The following CNTN1 variants were observed in gnomAD, a reference collection of about 807,000 sequenced individuals.
The protein encoded by CNTN1 is contactin-1.
CNTN1 carries 38 observed loss-of-function variants against 126.4 expected under a neutral mutation model. The ratio of observed to expected loss-of-function variants is 0.30; its 90% confidence interval spans 0.23 to 0.39. The LOEUF (loss-of-function observed/expected upper bound fraction) is 0.39, where lower values mean the gene tolerates loss of function less well. CNTN1 is among the 10% of genes least tolerant of loss of function. The pLI is 1.00. For synonymous variants in CNTN1, 413 were observed against 422.6 expected (o/e 0.98, Z 0.28); for missense variants, 1,009 against 1,248.4 (o/e 0.81, Z 2.89).
intron 15 of CNTN1, among the ~76,000 whole-genome samples, chr12:40,964,519 TAA>T (rs1468888074): frequency 3.2e-5 from 4 of 124,028 alleles, no homozygotes; most frequent in Admixed American, 7.7e-5. Context: ...AAACACCGTG[TAA>T]GTGAGTGTGT....
At chr12:40,746,385 G>C (rs1419065878) in intron 1 of CNTN1, among the ~76,000 whole-genome samples, 1 of 151,968 alleles carries the variant, frequency 6.6e-6, no homozygotes, top group Non-Finnish European at 1.5e-5. Flanking sequence ...AATCTATAAG[G>C]GTCTGCAGCA....
intron 1 of CNTN1, among the ~76,000 whole-genome samples, chr12:40,748,627 A>G (rs1938276830): frequency 6.6e-6 from 1 of 152,140 alleles, no homozygotes. Flanking sequence ...TAAAATCAAA[A>G]CTTTATTTAA....
At position 40,774,615 on chromosome 12, in the gene CNTN1, C is replaced by T. The variant is rs563794755; in HGVS notation, c.-77+82023C>T. ...CAATGTGATAAAGTCTGCTTTATAA[C>T]GTATTCTACTGCTTCCTCTCCAGTG... On this transcript the variant is annotated intron_variant, in intron 1 of 23. Transcript: ENST00000551295. 2.0e-5 allele frequency among the ~76,000 whole-genome samples: 3 copies of T among 151,788 alleles called. No homozygotes were observed. The South Asian group carries it at 6.2e-4, about 32-fold the overall frequency.
intron 1 of CNTN1, among the ~76,000 whole-genome samples, chr12:40,869,044 G>GA (rs963239853): frequency 1.7e-4 from 25 of 150,624 alleles, no homozygotes; most frequent in African/African-American, 4.1e-4. Context: ...TGTGAAAATT[G>GA]AAAAAAAATT....
intron 1 of CNTN1, among the ~76,000 whole-genome samples, chr12:40,890,652 G>A (rs1341054688): frequency 2.0e-5 from 3 of 151,916 alleles, no homozygotes; most frequent in Admixed American, 2.0e-4. Context: ...ATGCATTTAA[G>A]TTTCCTTAAT....
At chr12:40,754,911 A>T (rs948781744) in intron 1 of CNTN1, among the ~76,000 whole-genome samples, 3 of 152,054 alleles carry the variant, frequency 2.0e-5, no homozygotes, top group Non-Finnish European at 4.4e-5. Flanking sequence ...TACATTTAAA[A>T]AAATTTCTTG....
chr12:40,885,781 A>T (rs1197075293), intron 1 of CNTN1, among the ~76,000 whole-genome samples: 1 of 152,052 alleles, frequency 6.6e-6, no homozygotes, highest in Admixed American at 6.6e-5. Context: ...TTGTGCTTTG[A>T]TTGAAAGTAT....
intron 15 of CNTN1, among the ~76,000 whole-genome samples, chr12:40,962,928 T>C (rs1947156772): frequency 6.6e-6 from 1 of 152,124 alleles, no homozygotes; most frequent in African/African-American, 2.4e-5. Context: ...GAGATTATTT[T>C]TGCAAGAGTA....
chr12:40,911,389 A>G (rs957010187), intron 3 of CNTN1, among the ~76,000 whole-genome samples: 3 of 152,148 alleles, frequency 2.0e-5, no homozygotes, highest in African/African-American at 7.2e-5. Flanking sequence ...CGCAAAAGGC[A>G]CTTCTTACAT....
intron 1 of CNTN1, among the ~76,000 whole-genome samples, chr12:40,863,498 A>C (rs1490522086): frequency 6.6e-6 from 1 of 152,210 alleles, no homozygotes. Flanking sequence ...CCTATCTCTT[A>C]ATTTATGTAT....
chr12:40,959,331 A>G (rs972455603), intron 15 of CNTN1, 97 bp downstream of exon 15: 6 of 1,302,804 alleles, frequency 4.6e-6, no homozygotes, highest in Non-Finnish European at 4.4e-6. Flanking sequence ...ATTCTTACAT[A>G]TTTAGAGTCT....
intron 1 of CNTN1, among the ~76,000 whole-genome samples, chr12:40,832,807 C>T (rs1941896688): frequency 6.6e-6 from 1 of 152,128 alleles, no homozygotes; most frequent in Non-Finnish European, 1.5e-5. Flanking sequence ...CAACCACCTT[C>T]CTTATCTGGG....
intron 23 of CNTN1, among the ~76,000 whole-genome samples, chr12:41,065,942 C>G (rs1327548762): frequency 6.6e-6 from 1 of 152,236 alleles, no homozygotes; most frequent in Non-Finnish European, 1.5e-5. Context: ...CTCAAACGTG[C>G]TGTCCCAGCA....
At chr12:40,762,970 G>A (rs1043439351) in intron 1 of CNTN1, 24 of 152,204 alleles carry the variant, frequency 1.6e-4, no homozygotes, top group African/African-American at 5.3e-4. Context: ...TGGGGCAGGA[G>A]CCCTCATGAA....
Position 41,001,223 on chromosome 12 carries a change from G to A in CNTN1, c.2113+7954G>A, listed in dbSNP as rs77141413. Among the ~76,000 whole-genome samples the A allele has an allele frequency of 2.1e-3, 315 of 152,250 alleles. 1 individual carries two copies. Among genetic ancestry groups the A allele is most frequent in the African/African-American group, 7.2e-3 (300 of 41,552 alleles). On this transcript the variant is annotated intron_variant, in intron 17 of 23. Coordinates refer to ENST00000551295, the MANE Select transcript of CNTN1 (RefSeq NM_001843.4). ...AACTGACACACTGTCTTCCACAATA[G>A]TGTATAAGTGTTCCCTTTTTCTCCA...
At chr12:40,790,473 G>A (rs1940178131) in intron 1 of CNTN1, among the ~76,000 whole-genome samples, 1 of 152,026 alleles carries the variant, frequency 6.6e-6, no homozygotes, top group Non-Finnish European at 1.5e-5. Flanking sequence ...AAATGAATAG[G>A]CACTAGGAAT....
intron 1 of CNTN1, among the ~76,000 whole-genome samples, chr12:40,735,840 G>A (rs367647828): frequency 6.8e-4 from 103 of 152,058 alleles, no homozygotes; most frequent in African/African-American, 2.3e-3. Flanking sequence ...TACAGTCCTC[G>A]GTTTGAGTCA....
chr12:40,965,883 G>A (rs1377792037), intron 15 of CNTN1, among the ~76,000 whole-genome samples: 2 of 151,828 alleles, frequency 1.3e-5, no homozygotes, highest in Non-Finnish European at 2.9e-5. Context: ...AAATTAAAAA[G>A]GACTTTTAAA....
At chr12:40,867,811 C>T (rs534166763) in intron 1 of CNTN1, among the ~76,000 whole-genome samples, 9 of 151,944 alleles carry the variant, frequency 5.9e-5, no homozygotes, top group South Asian at 2.1e-4. Flanking sequence ...CTTTGTTAAA[C>T]GTTTACTAAT....
Sources: allele counts gnomAD v4.1 joint callset (sites outside exome capture counted in the v4.1 genomes callset), GRCh38; gene constraint gnomAD v4.1.1; transcripts MANE v1.5; gene names NCBI Gene and HGNC (gene_info 2026-07-23, HGNC 2026-07-21).